IGSF5: variants seen among roughly 807,000 people sequenced by gnomAD.
IGSF5 encodes the protein immunoglobulin superfamily 5 like.
In IGSF5, 41 loss-of-function variants were observed where a neutral mutation model predicts 39.4. The ratio of observed to expected loss-of-function variants is 1.04; its 90% confidence interval spans 0.81 to 1.35. IGSF5 has a LOEUF of 1.35. Among genes scored for constraint, IGSF5 ranks in the 40% most tolerant of loss-of-function variants. The pLI is 0.00. For synonymous variants in IGSF5, 183 were observed against 175.3 expected (o/e 1.04, Z -0.34); for missense variants, 487 against 494.6 (o/e 0.98, Z 0.15).
At chr21:39,772,946 C>T (rs1260739145) in intron 4 of IGSF5, among the ~76,000 whole-genome samples, 7 of 152,108 alleles carry the variant, frequency 4.6e-5, no homozygotes, top group African/African-American at 1.7e-4. Flanking sequence ...ATCCTGTTTA[C>T]CCACAACCTT....
the IGSF5 span, among the ~76,000 whole-genome samples, chr21:39,725,507 G>A: frequency 1.3e-5 from 2 of 152,164 alleles, no homozygotes; most frequent in Non-Finnish European, 2.9e-5. Context: ...AAACAAAAGG[G>A]CTACGGACAG....
At chr21:39,729,658 A>G in the IGSF5 span, 1 of 152,280 alleles carries the variant, frequency 6.6e-6, no homozygotes, top group Non-Finnish European at 1.5e-5. Flanking sequence ...TAGAAATCCA[A>G]GTGTGATCAG....
intron 6 of IGSF5, among the ~76,000 whole-genome samples, chr21:39,788,609 C>T (rs965768627): frequency 1.3e-5 from 2 of 152,210 alleles, no homozygotes; most frequent in Non-Finnish European, 2.9e-5. Flanking sequence ...CTGCAAGTCA[C>T]GTGAAACTGT....
chr21:39,750,168 G>T (rs1015668686), intron 2 of IGSF5, among the ~76,000 whole-genome samples: 1 of 152,166 alleles, frequency 6.6e-6, no homozygotes, highest in Non-Finnish European at 1.5e-5. Context: ...TTGGGGTCCC[G>T]TGATTTATTT....
chr21:39,755,744 T>C (rs1245136097), intron 2 of IGSF5, among the ~76,000 whole-genome samples: 1 of 152,120 alleles, frequency 6.6e-6, no homozygotes, highest in Non-Finnish European at 1.5e-5. Context: ...GAGTCTATTG[T>C]AGATTATTGC....
intron 5 of IGSF5, among the ~76,000 whole-genome samples, chr21:39,786,876 T>C (rs1243781094): frequency 1.3e-5 from 2 of 151,794 alleles, no homozygotes; most frequent in Admixed American, 6.6e-5. Context: ...CCAAACACTG[T>C]GTATTCTCAC....
the IGSF5 span, chr21:39,729,908 G>A: frequency 1.3e-5 from 2 of 152,232 alleles, no homozygotes; most frequent in South Asian, 4.1e-4. Context: ...GGCGGCAAAG[G>A]TGAATGGGAT....
At chr21:39,726,166 G>C in the IGSF5 span, 1 of 152,220 alleles carries the variant, frequency 6.6e-6, no homozygotes, top group African/African-American at 2.4e-5. Flanking sequence ...ACCTCTCATG[G>C]GCAGGGTGGC....
intron 2 of IGSF5, among the ~76,000 whole-genome samples, chr21:39,761,904 G>A (rs955593652): frequency 1.3e-5 from 2 of 152,160 alleles, no homozygotes; most frequent in Non-Finnish European, 2.9e-5. Flanking sequence ...CTGGCCTCAA[G>A]TGATCCTCCT....
chr21:39,712,696 A>G, the IGSF5 span, among the ~76,000 whole-genome samples: 1 of 152,124 alleles, frequency 6.6e-6, no homozygotes. Flanking sequence ...GCAGTGAGTG[A>G]GGAGGGCTGA....
chr21:39,788,113 A>G (rs1014238941), intron 5 of IGSF5, 54 bp from the exon 6 acceptor site: 1 of 1,430,424 alleles, frequency 7.0e-7, no homozygotes, highest in Admixed American at 1.9e-5. Context: ...ATGAGACTCG[A>G]TTTTTAGAAT....
At chr21:39,737,177 C>G in the IGSF5 span, among the ~76,000 whole-genome samples, 1 of 149,404 alleles carries the variant, frequency 6.7e-6, no homozygotes, top group African/African-American at 2.5e-5. Flanking sequence ...TCCTCTTGTT[C>G]GTGTGAAAAA....
the IGSF5 span, among the ~76,000 whole-genome samples, chr21:39,735,314 TTTATA>T: frequency 1.3e-5 from 2 of 152,224 alleles, no homozygotes; most frequent in African/African-American, 4.8e-5. Context: ...GTGTATCACT[TTTATA>T]ATAAAGAAAA....
chr21:39,788,748 G>A (rs2086941116), intron 6 of IGSF5, among the ~76,000 whole-genome samples: 1 of 152,172 alleles, frequency 6.6e-6, no homozygotes, highest in South Asian at 2.1e-4. Context: ...CTGTGTCAAG[G>A]ACTTACAATA....
At chr21:39,775,368 T>G (rs2080134509) in intron 4 of IGSF5, among the ~76,000 whole-genome samples, 1 of 152,190 alleles carries the variant, frequency 6.6e-6, no homozygotes, top group African/African-American at 2.4e-5. Flanking sequence ...CACTATTGAT[T>G]CGGAGATCTC....
At chr21:39,748,970 C>T (rs1225949449) in intron 2 of IGSF5, among the ~76,000 whole-genome samples, 1 of 152,104 alleles carries the variant, frequency 6.6e-6, no homozygotes, top group Non-Finnish European at 1.5e-5. Flanking sequence ...CAAAAATTAA[C>T]TTTTCTGCTA....
At chr21:39,783,169 G>C (rs2080180341) in intron 5 of IGSF5, among the ~76,000 whole-genome samples, 2 of 152,142 alleles carry the variant, frequency 1.3e-5, no homozygotes, top group Admixed American at 6.5e-5. Context: ...ATTGTGAATA[G>C]TGCTGCAATA....
chr21:39,792,596 A>T (rs531960042), intron 7 of IGSF5, among the ~76,000 whole-genome samples: 1 of 152,056 alleles, frequency 6.6e-6, no homozygotes, highest in Non-Finnish European at 1.5e-5. Flanking sequence ...ACATGTGGGG[A>T]GGTATTTTAA....
At chr21:39,764,609 G>A (rs904155433) in intron 2 of IGSF5, among the ~76,000 whole-genome samples, 26 of 152,284 alleles carry the variant, frequency 1.7e-4, no homozygotes, top group African/African-American at 6.3e-4. Context: ...CAAAGTGCTG[G>A]GATTACAGGT....
Sources: allele counts gnomAD v4.1 joint callset (sites outside exome capture counted in the v4.1 genomes callset), GRCh38; gene constraint gnomAD v4.1.1; transcripts MANE v1.5; gene names NCBI Gene and HGNC (gene_info 2026-07-23, HGNC 2026-07-21).